The following AFG1L variants were observed in gnomAD, a reference collection of about 807,000 sequenced individuals.
AFG1L encodes the protein AFG1-like ATPase.
A neutral mutation model predicts 62.2 loss-of-function variants in AFG1L; 53 were observed. That is an observed-to-expected ratio of 0.85 (90% CI 0.68 to 1.07). The LOEUF is 1.07. Among genes scored for constraint, AFG1L ranks in the 50% least tolerant of loss-of-function variants. The probability of loss-of-function intolerance (pLI) is 0.00; values close to 1 mark genes in which losing one functional copy is unlikely to be tolerated. For synonymous variants in AFG1L, 228 were observed against 210.3 expected (o/e 1.08, Z -0.73); for missense variants, 555 against 590.5 (o/e 0.94, Z 0.62).
intron 1 of AFG1L, among the ~76,000 whole-genome samples, chr6:108,317,864 A>T (rs1185204129): frequency 6.6e-6 from 1 of 152,138 alleles, no homozygotes; most frequent in Non-Finnish European, 1.5e-5. Context: ...ACTATGTCAG[A>T]TTTCTCTTAC....
intron 10 of AFG1L, among the ~76,000 whole-genome samples, chr6:108,484,180 G>A (rs1407158361): frequency 6.6e-6 from 1 of 152,202 alleles, no homozygotes; most frequent in Non-Finnish European, 1.5e-5. Context: ...GGCAGCCCAG[G>A]AATCTCCTTG....
At chr6:108,496,621 C>T (rs1360976731) in intron 10 of AFG1L, among the ~76,000 whole-genome samples, 5 of 152,096 alleles carry the variant, frequency 3.3e-5, no homozygotes, top group Non-Finnish European at 7.4e-5. Context: ...AGTAAATATA[C>T]TTTGGAATTA....
Position 108,317,760 on chromosome 6 carries a change from G to C in AFG1L, c.140-6065G>C, listed in dbSNP as rs548741415. Among the ~76,000 whole-genome samples the C allele has an allele frequency of 5.3e-5, 8 of 152,274 alleles. No individual in the cohort carries two copies. In the South Asian group the frequency reaches 1.7e-3, roughly 32 times the overall value. ...ATAATATTGTCGTCATTATTTTAAAGTTAAACTGTAAACTAAATTCATCCT... is the reference window on the plus strand; with the variant it reads ...ATAATATTGTCGTCATTATTTTAAACTTAAACTGTAAACTAAATTCATCCT... On this transcript the variant is annotated intron_variant, in intron 1 of 12. Coordinates refer to ENST00000368977, the MANE Select transcript of AFG1L (RefSeq NM_145315.5).
chr6:108,320,971 G>A (rs933717497), intron 1 of AFG1L, among the ~76,000 whole-genome samples: 9 of 152,186 alleles, frequency 5.9e-5, no homozygotes, highest in Admixed American at 4.6e-4. Flanking sequence ...GTCTAAAAGA[G>A]GGGGTGGAGA....
intron 6 of AFG1L, among the ~76,000 whole-genome samples, chr6:108,393,030 G>C (rs1028071272): frequency 6.6e-6 from 1 of 152,018 alleles, no homozygotes; most frequent in Non-Finnish European, 1.5e-5. Flanking sequence ...TCACTGTTGA[G>C]AATTTAGAGG....
chr6:108,442,121 G>T (rs1487855278), intron 7 of AFG1L, among the ~76,000 whole-genome samples: 1 of 151,726 alleles, frequency 6.6e-6, no homozygotes, highest in Admixed American at 6.6e-5. Context: ...GCTTACCATA[G>T]TAGGGCAGGT....
intron 6 of AFG1L, among the ~76,000 whole-genome samples, chr6:108,375,194 C>T (rs894775239): frequency 6.6e-6 from 1 of 152,004 alleles, no homozygotes; most frequent in African/African-American, 2.4e-5. Context: ...CTGAAACTTT[C>T]CTGAAGTTAT....
chr6:108,365,121 T>TAG (rs2114493963), intron 5 of AFG1L, among the ~76,000 whole-genome samples: 1 of 152,272 alleles, frequency 6.6e-6, no homozygotes, highest in East Asian at 1.9e-4. Context: ...TAAAGCAAGT[T>TAG]GTACTGAGAT....
At chr6:108,510,602 G>A (rs1469358126) in intron 11 of AFG1L, among the ~76,000 whole-genome samples, 1 of 152,230 alleles carries the variant, frequency 6.6e-6, no homozygotes, top group Non-Finnish European at 1.5e-5. Flanking sequence ...AGCACTATCA[G>A]TAGAAGCAGC....
chr6:108,472,950 G>GCAC (rs1772963743), intron 8 of AFG1L, among the ~76,000 whole-genome samples: 1 of 151,610 alleles, frequency 6.6e-6, no homozygotes, highest in South Asian at 2.1e-4. Flanking sequence ...TCACAGGCAC[G>GCAC]CACCACCATG....
chr6:108,490,670 T>G (rs1218622722), intron 10 of AFG1L, among the ~76,000 whole-genome samples: 1 of 152,220 alleles, frequency 6.6e-6, no homozygotes, highest in Non-Finnish European at 1.5e-5. Flanking sequence ...AGTCACATCA[T>G]CCGAACTGCA....
chr6:108,347,999 A>G (rs938555941), intron 3 of AFG1L, among the ~76,000 whole-genome samples: 2 of 152,148 alleles, frequency 1.3e-5, no homozygotes, highest in Non-Finnish European at 2.9e-5. Context: ...GAGTGATGGC[A>G]GGGGATATTA....
At chr6:108,311,483 C>CTTTTG (rs758496562) in intron 1 of AFG1L, among the ~76,000 whole-genome samples, 2 of 152,018 alleles carry the variant, frequency 1.3e-5, no homozygotes, top group East Asian at 1.9e-4. Flanking sequence ...TTGTGTCTAC[C>CTTTTG]TTTTGTTTTG....
chr6:108,314,871 TTGCTCTCACCCAGGCTAGAG>T (rs1777533631), intron 1 of AFG1L, among the ~76,000 whole-genome samples: 1 of 151,928 alleles, frequency 6.6e-6, no homozygotes, highest in African/African-American at 2.4e-5. Context: ...AGACAGTGTC[TTGCTCTCACCCAGGCTAGAG>T]TGCAGTGGGG....
chr6:108,298,563 G>A (rs1248360710), intron 1 of AFG1L, among the ~76,000 whole-genome samples: 1 of 152,144 alleles, frequency 6.6e-6, no homozygotes, highest in Non-Finnish European at 1.5e-5. Context: ...ACTGTGGCTG[G>A]CCAGATTTTT....
intron 1 of AFG1L, among the ~76,000 whole-genome samples, chr6:108,316,060 T>C: frequency 6.6e-6 from 1 of 151,782 alleles, no homozygotes; most frequent in East Asian, 1.9e-4. Context: ...AAAAAAATTA[T>C]AAAACATTGG....
At chr6:108,509,279 GTA>G (rs1774540778) in intron 10 of AFG1L, among the ~76,000 whole-genome samples, 1 of 152,166 alleles carries the variant, frequency 6.6e-6, no homozygotes, top group South Asian at 2.1e-4. Context: ...TACTCTCCTC[GTA>G]TCAGGAGGCA....
rs1562457444 is a variant in AFG1L at position 108,295,122 on chromosome 6, G to A, written c.43G>A (p.Ala15Thr). ...WSLLVTLRPL[A>T]QSPLRGRCVG... Reference sequence around the variant, plus strand: ...GCTCTTGGTTACCCTGCGCCCCTTAGCACAGAGCCCGCTGAGAGGGAGATG... The same window carrying A: ...GCTCTTGGTTACCCTGCGCCCCTTAACACAGAGCCCGCTGAGAGGGAGATG... The change falls in exon 1 of 13, where the codon GCA becomes ACA. Residue 15 changes from alanine (A) to threonine (T), a missense_variant. Transcript: ENST00000368977. 1.9e-6 allele frequency: 3 copies of A among 1,611,400 alleles called. No homozygotes were observed. The highest frequency in any genetic ancestry group is 2.5e-6 in the Non-Finnish European group (3 of 1,179,994).
chr6:108,366,313 A>T lies in AFG1L; in HGVS notation c.729A>T (p.Thr243=), dbSNP rs753102643. The T allele has an allele frequency of 3.1e-6, 5 of 1,611,684 alleles. No homozygotes were observed. The highest frequency in any genetic ancestry group is 4.2e-6 in the Non-Finnish European group (5 of 1,178,240). The change falls in exon 6 of 13, where the codon ACA becomes ACT. Residue 243 remains threonine, a synonymous_variant. Coordinates refer to ENST00000368977, the MANE Select transcript of AFG1L (RefSeq NM_145315.5). ...AAAACGGGGTCGTCGTTGTGGCAACATCCAACAGGCCACCGGAAGGTAAAA... is the reference window on the plus strand; with the variant it reads ...AAAACGGGGTCGTCGTTGTGGCAACTTCCAACAGGCCACCGGAAGGTAAAA... ...LFKNGVVVVA[T]SNRPPEDLYK... is the part of the protein sequence containing the mutation.
Sources: allele counts gnomAD v4.1 joint callset (sites outside exome capture counted in the v4.1 genomes callset), GRCh38; gene constraint gnomAD v4.1.1; transcripts MANE v1.5; gene names NCBI Gene and HGNC (gene_info 2026-07-23, HGNC 2026-07-21).